The following DERA variants were observed in gnomAD, a reference collection of about 807,000 sequenced individuals.
DERA encodes deoxyribose-phosphate aldolase, also known as 2-deoxy-D-ribose 5-phosphate aldolase.
In DERA, 15 loss-of-function variants were observed where a neutral mutation model predicts 41.1. That is an observed-to-expected ratio of 0.37 (90% CI 0.24 to 0.56). The LOEUF is 0.56. Ranked by LOEUF, DERA falls within the 20% of genes least tolerant of loss-of-function variation. The pLI is 0.81. For missense variants in DERA, 396 were observed against 403.4 expected (o/e 0.98, Z 0.16); for synonymous variants, 139 against 137.4 (o/e 1.01, Z -0.08).
Position 16,014,859 on chromosome 12 carries a change from T to C in DERA, c.638-17683T>C, listed in dbSNP as rs1201024896. 6.6e-6 allele frequency among the ~76,000 whole-genome samples: 1 copy of C among 152,200 alleles called. No homozygotes were observed. The highest frequency in any genetic ancestry group is 6.5e-5 in the Admixed American group (1 of 15,276). On this transcript the variant is annotated intron_variant, in intron 6 of 8. Coordinates refer to ENST00000428559, the MANE Select transcript of DERA (RefSeq NM_015954.4). This position sits in a 1 kb window ranked among gnomAD's most constrained non-coding sequence, Gnocchi z 5.4. ...CAGGGGTGGAGCTGCCCAAGACCATTGGAACCCACCTCTGCATCAGCGTGA... is the reference window on the plus strand; with the variant it reads ...CAGGGGTGGAGCTGCCCAAGACCATCGGAACCCACCTCTGCATCAGCGTGA...
In DERA at chr12:16,036,714, T is replaced by C. The variant is rs1233276320; in HGVS notation, c.925T>C (p.Tyr309His). ...RQIYHHVTGRYAAYHDLPMS is the reference protein window; with the variant it reads ...RQIYHHVTGRHAAYHDLPMS ...GATTTACCATCATGTGACTGGAAGATATGCAGCTTATCATGATCTTCCAAT... is the reference window on the plus strand; with the variant it reads ...GATTTACCATCATGTGACTGGAAGACATGCAGCTTATCATGATCTTCCAAT... Residue 309 changes from tyrosine to histidine, a missense_variant, in exon 9 of 9, where the codon TAT (tyrosine) becomes CAT (histidine). Transcript: ENST00000428559. The surrounding 1 kb of genome is among the most constrained non-coding windows in gnomAD (Gnocchi z 4.9). 2 of 1,602,888 alleles carry C rather than the reference T, an allele frequency of 1.2e-6. No homozygotes were observed. The highest frequency in any genetic ancestry group is 1.1e-5 in the South Asian group (1 of 88,496).
intron 5 of DERA, among the ~76,000 whole-genome samples, chr12:15,980,376 C>A (rs1565603799): frequency 6.6e-6 from 1 of 152,178 alleles, no homozygotes; most frequent in Admixed American, 6.5e-5. Flanking sequence ...GGAAGAAAAT[C>A]ATTAATTAAA....
chr12:15,979,464 T>C (rs111644216), intron 5 of DERA, among the ~76,000 whole-genome samples: 4 of 152,242 alleles, frequency 2.6e-5, no homozygotes, highest in Non-Finnish European at 5.9e-5. Flanking sequence ...AAGGCCTGAG[T>C]AGAAGCAATC....
rs1695730367 is a variant in DERA at position 15,988,499 on chromosome 12, C to T, written c.637+6063C>T. Among the ~76,000 whole-genome samples the T allele has an allele frequency of 6.6e-6, 1 of 152,080 alleles. No homozygotes were observed. The highest frequency in any genetic ancestry group is 2.4e-5 in the African/African-American group (1 of 41,422). ...AGCTCCTTTTTGCAGGCAGGTCGTC[C>T]CTGTGAGTGTGTGAGTCTGACTGAG... On this transcript the variant is annotated intron_variant, in intron 6 of 8. Transcript: ENST00000428559. The surrounding 1 kb of genome is among the most constrained non-coding windows in gnomAD (Gnocchi z 6.0).
At position 15,920,729 on chromosome 12, in the gene DERA, G is replaced by T. The variant is rs531824594; in HGVS notation, c.31+9315G>T. 3.9e-5 allele frequency among the ~76,000 whole-genome samples: 6 copies of T among 152,288 alleles called. No individual in the cohort carries two copies. The East Asian group carries it at 5.8e-4, about 15-fold the overall frequency. The stretch of plus-strand genomic sequence containing the variant: ...ATGCCTGTAACAGTTCCAGCTACTC[G>T]CGAGGCTGAGGCAGGAGAATTGCTT... On this transcript the variant is annotated intron_variant, in intron 1 of 8. Coordinates refer to ENST00000428559, the MANE Select transcript of DERA (RefSeq NM_015954.4).
chr12:15,979,889 G>T (rs1255797799), intron 5 of DERA, among the ~76,000 whole-genome samples: 1 of 152,214 alleles, frequency 6.6e-6, no homozygotes, highest in Non-Finnish European at 1.5e-5. Context: ...CTAGAAAAAG[G>T]ATGGTGTTTT....
rs1949118776 is a variant in DERA at position 16,035,114 on chromosome 12, A to G, written c.751-1118A>G. 6.6e-6 allele frequency among the ~76,000 whole-genome samples: 1 copy of G among 152,212 alleles called. No homozygotes were observed. Among genetic ancestry groups the G allele is most frequent in the Non-Finnish European group, 1.5e-5 (1 of 68,038 alleles). ...AGAATTGATAAGGGTCTAAACTGAA[A>G]CAAGTGAGAGTGCAGTGGAAAGAGT... On this transcript the variant is annotated intron_variant, in intron 7 of 8. Transcript: ENST00000428559. The surrounding 1 kb of genome is among the most constrained non-coding windows in gnomAD (Gnocchi z 4.1).
At position 15,983,553 on chromosome 12, in the gene DERA, T is replaced by C. The variant is rs1265867045; in HGVS notation, c.637+1117T>C. Among the ~76,000 whole-genome samples, 1 of 152,216 alleles carries C rather than the reference T, an allele frequency of 6.6e-6. No individual in the cohort carries two copies. The highest frequency in any genetic ancestry group is 1.5e-5 in the Non-Finnish European group (1 of 68,034). ...CTTCTCCCCCTGCTGTTTGGCCCAT[T>C]ATCTCCTCTGTGTGTCCCCACGGCA... On this transcript the variant is annotated intron_variant, in intron 6 of 8. Transcript: ENST00000428559. This position sits in a 1 kb window ranked among gnomAD's most constrained non-coding sequence, Gnocchi z 6.2.
At chr12:16,029,248 CG>C (rs745913778) in intron 6 of DERA, among the ~76,000 whole-genome samples, 5 of 152,084 alleles carry the variant, frequency 3.3e-5, no homozygotes, top group Non-Finnish European at 7.4e-5. Context: ...CGGTGAAACC[CG>C]GTCTCTACTA....
chr12:15,965,775 A>G lies in DERA; in HGVS notation c.508+2828A>G, dbSNP rs1003851805. ...CCTACTTCTCAGAGAAAATAAAATC[A>G]TCAGACAGGAGCTCCCTCCAGGTCC... is the stretch of plus-strand genomic sequence containing the variant. On this transcript the variant is annotated intron_variant, in intron 5 of 8. Coordinates refer to ENST00000428559, the MANE Select transcript of DERA (RefSeq NM_015954.4). The surrounding 1 kb of genome is among the most constrained non-coding windows in gnomAD (Gnocchi z 4.1). Among the ~76,000 whole-genome samples, 1 of 152,172 alleles carries G rather than the reference A, an allele frequency of 6.6e-6. No homozygotes were observed. Among genetic ancestry groups the G allele is most frequent in the African/African-American group, 2.4e-5 (1 of 41,436 alleles).
At position 15,943,426 on chromosome 12, in the gene DERA, T is replaced by C. The variant is rs1453280208; in HGVS notation, c.32-13510T>C. On this transcript the variant is annotated intron_variant, in intron 1 of 8. Transcript: ENST00000428559. This position sits in a 1 kb window ranked among gnomAD's most constrained non-coding sequence, Gnocchi z 4.5. The stretch of plus-strand genomic sequence containing the variant: ...CACAGCCAGAGGGGTTATTTAAAAA[T>C]GTAAATCAGATCATTTCAGCCCTTG... Among the ~76,000 whole-genome samples the C allele has an allele frequency of 6.6e-6, 1 of 152,294 alleles. No homozygotes were observed. Among genetic ancestry groups the C allele is most frequent in the South Asian group, 2.1e-4 (1 of 4,828 alleles).
chr12:15,917,973 C>T (rs915897948), intron 1 of DERA, among the ~76,000 whole-genome samples: 1 of 152,182 alleles, frequency 6.6e-6, no homozygotes, highest in South Asian at 2.1e-4. Context: ...ACACACACTT[C>T]TAGATTCATC....
chr12:16,026,810 A>G lies in DERA; in HGVS notation c.638-5732A>G, dbSNP rs938631549. 6.6e-6 allele frequency among the ~76,000 whole-genome samples: 1 copy of G among 152,102 alleles called. No individual in the cohort carries two copies. The highest frequency in any genetic ancestry group is 2.4e-5 in the African/African-American group (1 of 41,428). ...GAGAGAACACTCATTCTGTGAGACA[A>G]TTACTCCAAAACCATTACTCCAAAA... On this transcript the variant is annotated intron_variant, in intron 6 of 8. Transcript: ENST00000428559. This position sits in a 1 kb window ranked among gnomAD's most constrained non-coding sequence, Gnocchi z 4.4.
At chr12:15,961,227 T>G (rs910488391) in intron 4 of DERA, among the ~76,000 whole-genome samples, 2 of 152,186 alleles carry the variant, frequency 1.3e-5, no homozygotes, top group Non-Finnish European at 2.9e-5. Context: ...GTCACTGACT[T>G]CAGATAGACA....
chr12:15,953,995 T>C (rs372240596), intron 1 of DERA, among the ~76,000 whole-genome samples: 2 of 152,230 alleles, frequency 1.3e-5, no homozygotes, highest in South Asian at 4.1e-4. Context: ...TCAAGGCTGA[T>C]ACTGTGAGAG....
Position 15,958,164 on chromosome 12 carries a change from T to G in DERA, c.130-24T>G, listed in dbSNP as rs539011247. ...GTTTGTTTATTTATTAAATTTACTT[T>G]GTTTTCACTTTTGTTTAAACCAGGC... On this transcript the variant is annotated intron_variant, in intron 2 of 8. Coordinates refer to ENST00000428559, the MANE Select transcript of DERA (RefSeq NM_015954.4). 1.8e-5 allele frequency: 28 copies of G among 1,517,798 alleles called. No homozygotes were observed. The South Asian group carries it at 3.5e-4, about 19-fold the overall frequency. The allele number at this position is 1,517,798 out of a possible 1,614,324, so 94.0% of individuals were successfully genotyped here. A position where few individuals can be genotyped will look rare whatever the true frequency, so the allele number is the denominator to read the frequency against.
chr12:15,914,674 T>C (rs1228040346), intron 1 of DERA, among the ~76,000 whole-genome samples: 1 of 152,216 alleles, frequency 6.6e-6, no homozygotes, highest in Admixed American at 6.5e-5. Context: ...CGGGTGTTAT[T>C]AGATGACTTC....
At chr12:15,926,710 TG>T (rs1308130069) in intron 1 of DERA, among the ~76,000 whole-genome samples, 35 of 127,888 alleles carry the variant, frequency 2.7e-4, no homozygotes, top group East Asian at 1.2e-3. Context: ...CACTCCCGCC[TG>T]GGGCGACAGA....
At chr12:16,018,993 G>A (rs1949001792) in intron 6 of DERA, among the ~76,000 whole-genome samples, 1 of 152,044 alleles carries the variant, frequency 6.6e-6, no homozygotes, top group East Asian at 1.9e-4. Flanking sequence ...TAAGATTTTT[G>A]TCCCCAAGCT....
Sources: allele counts gnomAD v4.1 joint callset (sites outside exome capture counted in the v4.1 genomes callset), GRCh38; gene constraint gnomAD v4.1.1; non-coding constraint Gnocchi (gnomAD v3.1); transcripts MANE v1.5; gene names NCBI Gene and HGNC (gene_info 2026-07-23, HGNC 2026-07-21).